The following CD163L1 variants were observed in gnomAD, a reference collection of about 807,000 sequenced individuals.
The protein encoded by CD163L1 is scavenger receptor cysteine-rich type 1 protein M160.
In CD163L1, 124 loss-of-function variants were observed where a neutral mutation model predicts 165.4. The ratio of observed to expected loss-of-function variants is 0.75; its 90% CI spans 0.65 to 0.87. The LOEUF is 0.87. Ranked by LOEUF, CD163L1 falls within the 40% of genes least tolerant of loss-of-function variation. The pLI, the probability that CD163L1 is intolerant of heterozygous loss-of-function variation, is 0.00. For missense variants in CD163L1, 1,525 were observed against 1,799.9 expected (o/e 0.85, Z 2.76); for synonymous variants, 585 against 662.2 (o/e 0.88, Z 1.79).
rs771036676 is a variant in CD163L1, at chr12:7,396,345, A to T, written c.1800T>A (p.Phe600Leu). The part of the protein sequence containing the change: ...NRCSGRLEVY[F>L]QGRWGTVCDD... Reference sequence around the variant, plus strand: ...CACACACTGTGCCCCACCGTCCTTGAAAGTACACCTCCAGTCTTCCCGAGC... The same window carrying T: ...CACACACTGTGCCCCACCGTCCTTGTAAGTACACCTCCAGTCTTCCCGAGC... The change falls in exon 8 of 20, where the codon TTT becomes TTA. Residue 600 changes from phenylalanine (F) to leucine (L), a missense_variant. Phe to Leu is a conservative substitution (Grantham distance 22). Transcript: ENST00000313599. 4.3e-6 allele frequency: 7 copies of T among 1,614,022 alleles called. No individual in the cohort carries two copies. The East Asian group carries it at 1.3e-4, about 31-fold the overall frequency.
At chr12:7,328,035 G>A in the CD163L1 span, among the ~76,000 whole-genome samples, 2 of 152,008 alleles carry the variant, frequency 1.3e-5, no homozygotes, top group South Asian at 4.2e-4. Flanking sequence ...AAAGCAATGG[G>A]GTAAAGGGAT....
At position 7,369,235 on chromosome 12, in the gene CD163L1, G is replaced by A; in HGVS notation, c.4039+122C>T. ...TGTGGAAAAACGTTAGTTTAACATAGCCTTTCATTCTTCAACAAGAAATCC... is the reference window on the plus strand; with the variant it reads ...TGTGGAAAAACGTTAGTTTAACATAACCTTTCATTCTTCAACAAGAAATCC... On this transcript the variant is annotated intron_variant, in intron 15 of 19. Transcript: ENST00000313599. This position sits in a 1 kb window ranked among gnomAD's most constrained non-coding sequence, Gnocchi z 4.9. 1 of 1,118,320 alleles carries A rather than the reference G, an allele frequency of 8.9e-7. No homozygotes were observed. Among genetic ancestry groups the A allele is most frequent in the South Asian group, 1.5e-5 (1 of 67,002 alleles). 69.3% of individuals were successfully genotyped at this position (1,118,320 alleles called of 1,614,324 possible).
At chr12:7,413,091 CAAAAAAAAA>C (rs111943372) in intron 4 of CD163L1, among the ~76,000 whole-genome samples, 1 of 39,546 alleles carries the variant, frequency 2.5e-5, no homozygotes, top group African/African-American at 7.6e-5. Context: ...GACTCCATCT[CAAAAAAAAA>C]AAAAAAAAAA....
rs761887748 is a variant in CD163L1 at position 7,373,642 on chromosome 12, T to C, written c.3410-2A>G. ...TGTAGAGCCTCAAGGCTGTGAATTC[T>C]ACAGAGAAATACAAAACTTAGTATT... On this transcript the variant is annotated splice_acceptor_variant, in intron 13 of 19. Coordinates refer to ENST00000313599, the MANE Select transcript of CD163L1 (RefSeq NM_174941.6). LOFTEE classifies it high-confidence loss of function. The C allele has an allele frequency of 1.3e-5, 20 of 1,565,060 alleles. No individual in the cohort carries two copies. Among genetic ancestry groups the C allele is most frequent in the Non-Finnish European group, 1.7e-5 (20 of 1,154,752 alleles).
At chr12:7,359,430 A>C (rs7308628) in intron 18 of CD163L1, among the ~76,000 whole-genome samples, 142,844 of 152,200 alleles carry the variant, frequency 0.94, 67,112 homozygotes, top group East Asian at 0.99. Flanking sequence ...TCTTCAAAAG[A>C]TATGCTAGCA....
chr12:7,338,832 A>G, the CD163L1 span, among the ~76,000 whole-genome samples: 1 of 152,206 alleles, frequency 6.6e-6, no homozygotes, highest in South Asian at 2.1e-4. Context: ...AGGAGATGGC[A>G]GAGCTGGGCA....
rs772404377 is a variant in CD163L1, at chr12:7,375,636, T to C, written c.2687-41A>G. 6.8e-6 allele frequency: 11 copies of C among 1,610,252 alleles called. 1 individual carries two copies. In the South Asian group the frequency reaches 9.9e-5, roughly 15 times the overall value. On this transcript the variant is annotated intron_variant, in intron 10 of 19. Transcript: ENST00000313599. Reference sequence around the variant, plus strand: ...GCCATAGAAGAGACATCATGACTTATCAGCTCCAGCCCCAAACTCCCCATC... The same window carrying C: ...GCCATAGAAGAGACATCATGACTTACCAGCTCCAGCCCCAAACTCCCCATC...
Position 7,374,456 on chromosome 12 carries a change from C to A in CD163L1, c.3395G>T (p.Gly1132Val). Reference protein sequence around the residue: ...QHDCRHKEDAGVICSEFTALR... With the variant: ...QHDCRHKEDAVVICSEFTALR... ...GCAGCACAGACCTGAGCAGATGACC[C>A]CTGCGTCCTCCTTGTGCCTGCAGTC... The change falls in exon 13 of 20, where the codon GGG becomes GTG. Residue 1132 changes from glycine (G) to valine (V), a missense_variant. Physicochemically the swap from Gly to Val is moderately radical, Grantham distance 109. Coordinates refer to ENST00000313599, the MANE Select transcript of CD163L1 (RefSeq NM_174941.6). This position sits in a 1 kb window ranked among gnomAD's most constrained non-coding sequence, Gnocchi z 5.4. The A allele has an allele frequency of 3.1e-6, 5 of 1,612,376 alleles. No homozygotes were observed. The highest frequency in any genetic ancestry group is 4.2e-6 in the Non-Finnish European group (5 of 1,179,196).
rs1436526772 is a variant in CD163L1, at chr12:7,369,592, G to A, written c.3804C>T (p.Gly1268=). 1 of 1,613,896 alleles carries A rather than the reference G, an allele frequency of 6.2e-7. No homozygotes were observed. The highest frequency in any genetic ancestry group is 1.7e-5 in the Admixed American group (1 of 59,996). The change falls in exon 15 of 20, where the codon GGC becomes GGT. Residue 1268 remains glycine, a synonymous_variant. Coordinates refer to ENST00000313599, the MANE Select transcript of CD163L1 (RefSeq NM_174941.6). The surrounding 1 kb of genome is among the most constrained non-coding windows in gnomAD (Gnocchi z 4.9). ...RVEIWHAGSW[G]TVCDDSWDLA... The stretch of plus-strand genomic sequence containing the variant: ...GGTCCCAGGAGTCATCACACACTGT[G>A]CCCCAGGAGCCTGCGTGCCAGATCT...
the CD163L1 span, among the ~76,000 whole-genome samples, chr12:7,334,823 C>T: frequency 6.6e-6 from 1 of 152,180 alleles, no homozygotes; most frequent in Non-Finnish European, 1.5e-5. Flanking sequence ...ATGCAAAAAT[C>T]ACAAGCATTC....
At position 7,379,242 on chromosome 12, in the gene CD163L1, C is replaced by T. The variant is rs1325629625; in HGVS notation, c.2107G>A (p.Val703Ile). 3.1e-6 allele frequency: 5 copies of T among 1,614,066 alleles called. No homozygotes were observed. The highest frequency in any genetic ancestry group is 4.2e-6 in the Non-Finnish European group (5 of 1,180,030). Residue 703 changes from valine (V) to isoleucine (I), a missense_variant, in exon 9 of 20, where the codon GTT becomes ATT. Transcript: ENST00000313599. The part of the protein sequence containing the change: ...VGGSSRCAGK[V>I]EVNVQGAVGI... ...ACGGCACCCTGGACATTCACCTCAA[C>T]TTTTCCAGCACACCTGCTGCTTCCA...
Position 7,432,642 on chromosome 12 carries a change from A to G in CD163L1, c.540T>C (p.Cys180=). Residue 180 remains cysteine, a synonymous_variant, in exon 4 of 20, where the codon TGT becomes TGC. Transcript: ENST00000313599. This position sits in a 1 kb window ranked among gnomAD's most constrained non-coding sequence, Gnocchi z 4.2. ...CAGTATTCAAGTTCCACCCATCATC[A>G]CATATAGTTCCCCACCTTTCTTGGA... ...VKFQERWGTI[C]DDGWNLNTAA... is the part of the protein sequence containing the mutation. The G allele has an allele frequency of 6.2e-7, 1 of 1,614,154 alleles. No homozygotes were observed. The highest frequency in any genetic ancestry group is 8.5e-7 in the Non-Finnish European group (1 of 1,180,032).
intron 8 of CD163L1, among the ~76,000 whole-genome samples, chr12:7,392,116 T>C (rs11053616): frequency 0.075 from 11,430 of 152,060 alleles, 447 homozygotes; most frequent in African/African-American, 0.11. Context: ...ATCAACAGAA[T>C]ATATATTCTT....
chr12:7,411,935 T>A (rs1023568184), intron 4 of CD163L1, among the ~76,000 whole-genome samples: 5 of 152,236 alleles, frequency 3.3e-5, no homozygotes, highest in Admixed American at 1.3e-4. Flanking sequence ...CCAGTTCTGA[T>A]GACACACAGT....
the CD163L1 span, chr12:7,324,682 AG>A: frequency 7.8e-6 from 11 of 1,411,500 alleles, no homozygotes; most frequent in East Asian, 2.6e-4. Flanking sequence ...GAACCAAGAG[AG>A]GTCAATCTAT....
At chr12:7,383,937 A>G (rs1319181850) in intron 8 of CD163L1, among the ~76,000 whole-genome samples, 1 of 152,224 alleles carries the variant, frequency 6.6e-6, no homozygotes, top group Non-Finnish European at 1.5e-5. Context: ...CTTCAAAGGA[A>G]CACAATAATT....
At chr12:7,388,932 T>C (rs1013478967) in intron 8 of CD163L1, among the ~76,000 whole-genome samples, 1 of 152,208 alleles carries the variant, frequency 6.6e-6, no homozygotes, top group East Asian at 1.9e-4. Context: ...TGCAAATCAT[T>C]GAATCTCATT....
chr12:7,418,796 T>C (rs1948293806), intron 4 of CD163L1, among the ~76,000 whole-genome samples: 2 of 152,056 alleles, frequency 1.3e-5, no homozygotes, highest in African/African-American at 2.4e-5. Flanking sequence ...GGTAAATTTC[T>C]GGAAATATAC....
Position 7,369,045 on chromosome 12 carries a change from C to T in CD163L1, c.4040-80G>A, listed in dbSNP as rs140872991. The T allele has an allele frequency of 7.7e-6, 11 of 1,426,058 alleles. No individual in the cohort carries two copies. Among genetic ancestry groups the T allele is most frequent in the Middle Eastern group, 1.9e-4 (1 of 5,388 alleles). The allele number at this position is 1,426,058 out of a possible 1,614,324, so 88.3% of individuals were successfully genotyped here. On this transcript the variant is annotated intron_variant, in intron 15 of 19. Coordinates refer to ENST00000313599, the MANE Select transcript of CD163L1 (RefSeq NM_174941.6). This position sits in a 1 kb window ranked among gnomAD's most constrained non-coding sequence, Gnocchi z 4.9. ...TTCTTTTTACATCTCCTGCGATTAT[C>T]GGATGTCATTTAAATATCCTTTTAA...
Sources: gnomAD v4.1 joint callset for allele counts (sites outside exome capture counted in the v4.1 genomes callset) on GRCh38, gnomAD v4.1.1 for gene constraint, Gnocchi (gnomAD v3.1) non-coding constraint, MANE v1.5 for transcripts, NCBI Gene and HGNC (gene_info 2026-07-23, HGNC 2026-07-21) for gene names.